Variants in CD109 observed in about 807,000 individuals in gnomAD.
CD109 encodes CD109 molecule, also known as CD109 antigen.
In CD109, 149 loss-of-function variants were observed where a neutral mutation model predicts 165.8. The observed-to-expected ratio is 0.90, with a 90% CI of 0.79 to 1.03. The LOEUF (loss-of-function observed/expected upper bound fraction) is 1.03. Among genes scored for constraint, CD109 ranks in the 50% least tolerant of loss-of-function variants. The pLI is 0.00. For synonymous variants in CD109, 585 were observed against 592.1 expected (o/e 0.99, Z 0.18); for missense variants, 1,712 against 1,677.8 (o/e 1.02, Z -0.36).
At chr6:73,692,760 A>C (rs904668522), upstream of CD109, among the ~76,000 whole-genome samples, 5 of 152,124 alleles carry the variant, frequency 3.3e-5, no homozygotes, top group Non-Finnish European at 4.4e-5. Context: ...ATAGTGAATA[A>C]ATTTCACGAA....
At chr6:73,756,815 G>T in intron 6 of CD109, 133 bp downstream of exon 6, 1 of 535,536 alleles carries the variant, frequency 1.9e-6, no homozygotes, top group Non-Finnish European at 3.1e-6. Context: ...TTTTTTAAAG[G>T]CCTAACCATA....
chr6:73,779,116 A>G (rs2150246640), intron 15 of CD109, among the ~76,000 whole-genome samples: 1 of 152,068 alleles, frequency 6.6e-6, no homozygotes, highest in South Asian at 2.1e-4. Context: ...CCTCTAGTCT[A>G]CTTCTGTCTT....
intron 10 of CD109, among the ~76,000 whole-genome samples, chr6:73,764,674 G>C (rs1562053715): frequency 6.6e-6 from 1 of 152,228 alleles, no homozygotes; most frequent in African/African-American, 2.4e-5. Flanking sequence ...AAATTAGGCG[G>C]GCGTGGTGGC....
intron 15 of CD109, among the ~76,000 whole-genome samples, chr6:73,772,232 A>G (rs1774063126): frequency 6.6e-6 from 1 of 152,128 alleles, no homozygotes; most frequent in Non-Finnish European, 1.5e-5. Flanking sequence ...TGTGCCGGGC[A>G]TGGTGGCTCA....
At chr6:73,789,669 C>G (rs1163632921) in intron 22 of CD109, among the ~76,000 whole-genome samples, 1 of 151,800 alleles carries the variant, frequency 6.6e-6, no homozygotes, top group Non-Finnish European at 1.5e-5. Flanking sequence ...ACCATGTTAG[C>G]CAGGATGGTC....
In CD109 at chr6:73,771,556, C is replaced by G. The variant is rs372225206; in HGVS notation, c.1802C>G (p.Ala601Gly). Residue 601 changes from alanine (A) to glycine (G), a missense_variant, in exon 15 of 33, where the codon GCC becomes GGC. Physicochemically the swap from Ala to Gly is moderately conservative, Grantham distance 60. Coordinates refer to ENST00000287097, the MANE Select transcript of CD109 (RefSeq NM_133493.5). Reference sequence around the variant, plus strand: ...GACAAAAGTGTGAATCTGATGAATGCCTCTAATGATATTACAATGGAAAAT... The same window carrying G: ...GACAAAAGTGTGAATCTGATGAATGGCTCTAATGATATTACAATGGAAAAT... ...AVDKSVNLMN[A>G]SNDITMENVV... 27 of 1,593,516 alleles carry G rather than the reference C, an allele frequency of 1.7e-5. No homozygotes were observed. The highest frequency in any genetic ancestry group is 2.1e-5 in the Non-Finnish European group (25 of 1,172,096).
intron 7 of CD109, among the ~76,000 whole-genome samples, chr6:73,760,133 C>T (rs112792315): frequency 0.033 from 4,957 of 152,158 alleles, 282 homozygotes; most frequent in African/African-American, 0.11. Context: ...CTGGGCCGGG[C>T]GCAGTGGCTC....
At chr6:73,795,559 A>T (rs1775124099) in intron 23 of CD109, among the ~76,000 whole-genome samples, 2 of 152,294 alleles carry the variant, frequency 1.3e-5, no homozygotes, top group South Asian at 4.1e-4. Context: ...ATTGCCTGAG[A>T]TCCCTCCTCA....
intron 2 of CD109, among the ~76,000 whole-genome samples, chr6:73,717,681 G>A (rs1214017028): frequency 3.5e-5 from 5 of 141,460 alleles, no homozygotes; most frequent in East Asian, 4.2e-4. Flanking sequence ...GTGCAGTGGC[G>A]CAATCTCGGC....
rs202138461 is a variant in CD109, at chr6:73,717,289, A to AT, written c.248-5954dup. On this transcript the variant is annotated intron_variant, in intron 2 of 32. Coordinates refer to ENST00000287097, the MANE Select transcript of CD109 (RefSeq NM_133493.5). Reference sequence around the variant, plus strand: ...TTGGTGGTTCCATAAAAATTTTAGGATTTTTTTTCTATTTCTGTGAAGAAT... The same window carrying AT: ...TTGGTGGTTCCATAAAAATTTTAGGATTTTTTTTTCTATTTCTGTGAAGAAT... Among the ~76,000 whole-genome samples, 255 of 143,834 alleles carry AT rather than the reference A, an allele frequency of 1.8e-3. 2 individuals carry two copies. The highest frequency in any genetic ancestry group is 7.1e-3 in the Middle Eastern group (2 of 280). 94.4% of individuals were successfully genotyped at this position (143,834 alleles called of 152,430 possible).
At chr6:73,791,607 CG>C (rs980192301) in intron 22 of CD109, among the ~76,000 whole-genome samples, 6 of 152,112 alleles carry the variant, frequency 3.9e-5, no homozygotes, top group African/African-American at 1.4e-4. Context: ...ATGTAAAGAA[CG>C]GATTTTCAAG....
At chr6:73,686,236 G>C in the CD109 span, among the ~76,000 whole-genome samples, 1 of 152,280 alleles carries the variant, frequency 6.6e-6, no homozygotes, top group African/African-American at 2.4e-5. Flanking sequence ...GTGTGTGGAT[G>C]GCTGTTCAAA....
chr6:73,790,098 CCTTT>C (rs1774865906), intron 22 of CD109, among the ~76,000 whole-genome samples: 1 of 88,132 alleles, frequency 1.1e-5, no homozygotes, highest in African/African-American at 4.7e-5. Context: ...TGCTAAAAGT[CCTTT>C]TTTTTTTTTT....
At chr6:73,690,818 T>A (rs1312707227), upstream of CD109, among the ~76,000 whole-genome samples, 2 of 152,182 alleles carry the variant, frequency 1.3e-5, no homozygotes. Flanking sequence ...ATTTATAACA[T>A]AATTACTCTT....
At chr6:73,683,646 G>A in the CD109 span, among the ~76,000 whole-genome samples, 20 of 152,180 alleles carry the variant, frequency 1.3e-4, no homozygotes, top group East Asian at 2.1e-3. Flanking sequence ...GTATTAGTCC[G>A]TTTTCACACT....
chr6:73,771,650 C>T (rs1030983694), intron 15 of CD109, 69 bp downstream of exon 15: 5 of 1,096,536 alleles, frequency 4.6e-6, no homozygotes, highest in African/African-American at 1.6e-5. Flanking sequence ...TATTGTACTA[C>T]TTTAAATATT....
At chr6:73,804,386 T>C (rs1262912068) in intron 24 of CD109, among the ~76,000 whole-genome samples, 1 of 152,258 alleles carries the variant, frequency 6.6e-6, no homozygotes, top group Admixed American at 6.5e-5. Context: ...TGGCAAACTT[T>C]TCTGTAAAGG....
At chr6:73,775,878 A>G (rs1263440678) in intron 15 of CD109, among the ~76,000 whole-genome samples, 1 of 152,228 alleles carries the variant, frequency 6.6e-6, no homozygotes, top group Non-Finnish European at 1.5e-5. Context: ...CTAGTATTCC[A>G]TGGTGTACAT....
rs761726335 is a variant in CD109 at position 73,820,549 on chromosome 6, A to G, written c.4148A>G (p.Asp1383Gly). 11 of 1,589,912 alleles carry G rather than the reference A, an allele frequency of 6.9e-6. No individual in the cohort carries two copies. Among genetic ancestry groups the G allele is most frequent in the Admixed American group, 1.7e-5 (1 of 59,356 alleles). Reference protein sequence around the residue: ...NTQDASVSIVDYYEPRRQAVR... With the variant: ...NTQDASVSIVGYYEPRRQAVR... ...CAAGATGCTTCAGTGTCCATAGTGG[A>G]TTACTATGAGCCAAGTAAGTATGCT... The change falls in exon 32 of 33, where the codon GAT becomes GGT. Residue 1383 changes from aspartate to glycine, a missense_variant. By Grantham distance (94) the Asp-to-Gly change is moderately conservative. Transcript: ENST00000287097.
Sources: allele counts gnomAD v4.1 joint callset (sites outside exome capture counted in the v4.1 genomes callset), GRCh38; gene constraint gnomAD v4.1.1; transcripts MANE v1.5; gene names NCBI Gene and HGNC (gene_info 2026-07-23, HGNC 2026-07-21).